Variants in ITGA9 observed in about 807,000 individuals in gnomAD.
ITGA9 encodes integrin alpha-9.
Under a neutral mutation model 127.8 loss-of-function variants are expected in ITGA9, and 56 were observed. The ratio of observed to expected loss-of-function variants is 0.44; its 90% CI spans 0.35 to 0.55. The LOEUF (loss-of-function observed/expected upper bound fraction) is 0.55. Among genes scored for constraint, ITGA9 ranks in the 20% least tolerant of loss-of-function variants. The pLI is 0.00. For missense variants in ITGA9, 1,196 were observed against 1,347.1 expected (o/e 0.89, Z 1.76); for synonymous variants, 508 against 514.5 (o/e 0.99, Z 0.17).
chr3:37,600,631 G>C (rs537819707), intron 15 of ITGA9, among the ~76,000 whole-genome samples: 1 of 152,266 alleles, frequency 6.6e-6, no homozygotes, highest in East Asian at 1.9e-4. Flanking sequence ...ATCTCAAGAA[G>C]CCCTTACGGA....
At position 37,473,360 on chromosome 3, in the gene ITGA9, A is replaced by C. The variant is rs1401707512; in HGVS notation, c.320A>C (p.Asn107Thr). ...TCTTCTCCTCTTTCTCCAGGGAAGA[A>C]TCGGGGCACGTCCTGCGGAAAGACC... ...CTELDMARGK[N>T]RGTSCGKTCR... The change falls in exon 3 of 28, where the codon AAT becomes ACT. Residue 107 changes from asparagine (N) to threonine (T), a missense_variant. By Grantham distance (65) the Asn-to-Thr change is moderately conservative. Transcript: ENST00000264741. 3.7e-6 allele frequency: 6 copies of C among 1,613,780 alleles called. No individual in the cohort carries two copies. The Admixed American group carries it at 1.0e-4, about 27-fold the overall frequency.
At chr3:37,656,311 C>T (rs1271513453) in intron 17 of ITGA9, among the ~76,000 whole-genome samples, 1 of 152,138 alleles carries the variant, frequency 6.6e-6, no homozygotes, top group African/African-American at 2.4e-5. Context: ...GATATTGATT[C>T]TTTGTTTCCA....
intron 13 of ITGA9, among the ~76,000 whole-genome samples, chr3:37,526,829 G>T (rs1005517005): frequency 6.6e-6 from 1 of 152,232 alleles, no homozygotes; most frequent in African/African-American, 2.4e-5. Context: ...AGGCCATGTA[G>T]TTCCACACCC....
chr3:37,507,748 C>A (rs1007130624), intron 7 of ITGA9, among the ~76,000 whole-genome samples: 1 of 152,228 alleles, frequency 6.6e-6, no homozygotes, highest in South Asian at 2.1e-4. Context: ...CCCAAGGACC[C>A]CTGGCCTTCA....
chr3:37,726,588 G>C (rs1696206302), intron 18 of ITGA9, among the ~76,000 whole-genome samples: 1 of 152,214 alleles, frequency 6.6e-6, no homozygotes, highest in African/African-American at 2.4e-5. Context: ...CTGTAGCCTG[G>C]GTCTACTGGC....
intron 12 of ITGA9, 120 bp downstream of exon 12, chr3:37,523,731 A>C (rs1465240392): frequency 1.3e-6 from 1 of 779,468 alleles, no homozygotes. Context: ...TTCACACAAT[A>C]GAATAGGGTG....
intron 15 of ITGA9, among the ~76,000 whole-genome samples, chr3:37,545,213 C>A (rs1164783940): frequency 1.3e-5 from 2 of 152,140 alleles, no homozygotes; most frequent in Admixed American, 6.5e-5. Context: ...TGGCTCTCGG[C>A]TTTATGGACA....
intron 26 of ITGA9, among the ~76,000 whole-genome samples, chr3:37,789,550 G>A (rs1250760348): frequency 3.3e-5 from 5 of 150,748 alleles, no homozygotes; most frequent in Non-Finnish European, 7.4e-5. Context: ...ACAAAGTCAG[G>A]AGATCGAGAC....
At position 37,799,293 on chromosome 3, in the gene ITGA9, C is replaced by G. The variant is rs956993865; in HGVS notation, c.2890-4530C>G. On this transcript the variant is annotated intron_variant, in intron 26 of 27. Transcript: ENST00000264741. The surrounding 1 kb of genome is among the most constrained non-coding windows in gnomAD (Gnocchi z 4.0). ...TCCCGGGCTCAAGTGATTCTCCTGC[C>G]TCAGCCTCCCAAGTAGCTGGGACTA... 6.6e-6 allele frequency among the ~76,000 whole-genome samples: 1 copy of G among 152,174 alleles called. No individual in the cohort carries two copies. Among genetic ancestry groups the G allele is most frequent in the East Asian group, 1.9e-4 (1 of 5,198 alleles).
chr3:37,500,640 G>A (rs1474174554), intron 5 of ITGA9, among the ~76,000 whole-genome samples: 1 of 152,200 alleles, frequency 6.6e-6, no homozygotes, highest in Non-Finnish European at 1.5e-5. Context: ...TGAGAATTCA[G>A]TGGTGACTTT....
chr3:37,645,758 A>G (rs550859898), intron 16 of ITGA9, among the ~76,000 whole-genome samples: 2 of 152,352 alleles, frequency 1.3e-5, no homozygotes, highest in Admixed American at 1.3e-4. Flanking sequence ...ACCAAGTCCA[A>G]GAAACTGATC....
At chr3:37,750,398 A>G in intron 22 of ITGA9, 64 bp from the exon 23 acceptor site, 1 of 935,206 alleles carries the variant, frequency 1.1e-6, no homozygotes, top group Non-Finnish European at 1.8e-6. Flanking sequence ...TATATATTGC[A>G]TGACAGGAAA....
intron 12 of ITGA9, 37 bp from the exon 13 acceptor site, chr3:37,525,989 A>G (rs1451370303): frequency 2.5e-5 from 40 of 1,603,746 alleles, no homozygotes; most frequent in Non-Finnish European, 3.4e-5. Context: ...TATGGGCTTC[A>G]GCAAGTTTCT....
rs1163613739 is a variant in ITGA9, at chr3:37,562,284, A to T, written c.1689+19699A>T. Among the ~76,000 whole-genome samples the T allele has an allele frequency of 5.9e-5, 9 of 152,064 alleles. No individual in the cohort carries two copies. The East Asian group carries it at 1.7e-3, about 29-fold the overall frequency. ...CTCCTATTTCTGCCCCGGAGCACCT[A>T]CAGATATCTGTCTGTCTGTCCCCAT... On this transcript the variant is annotated intron_variant, in intron 15 of 27. Coordinates refer to ENST00000264741, the MANE Select transcript of ITGA9 (RefSeq NM_002207.3).
intron 16 of ITGA9, among the ~76,000 whole-genome samples, chr3:37,643,360 G>A (rs994342694): frequency 6.6e-6 from 1 of 152,228 alleles, no homozygotes; most frequent in Non-Finnish European, 1.5e-5. Flanking sequence ...GACCAGTGGA[G>A]AAGTCTGGCC....
chr3:37,589,645 A>G (rs1320660800), intron 15 of ITGA9, among the ~76,000 whole-genome samples: 7 of 152,172 alleles, frequency 4.6e-5, no homozygotes, highest in Admixed American at 3.9e-4. Context: ...GGAGAGAACC[A>G]TGTGGAGGGA....
chr3:37,648,883 TAACTA>T, intron 16 of ITGA9, among the ~76,000 whole-genome samples: 1 of 151,806 alleles, frequency 6.6e-6, no homozygotes, highest in South Asian at 2.1e-4. Flanking sequence ...TTATAAGTAT[TAACTA>T]AATTATGTTA....
intron 15 of ITGA9, among the ~76,000 whole-genome samples, chr3:37,581,092 C>T (rs13321421): frequency 0.023 from 3,477 of 152,252 alleles, 110 homozygotes; most frequent in African/African-American, 0.077. Flanking sequence ...ATTTTATTTA[C>T]AGTGCTCTGG....
At chr3:37,474,645 A>G (rs267526) in intron 3 of ITGA9, among the ~76,000 whole-genome samples, 102,431 of 152,050 alleles carry the variant, frequency 0.67, 35,042 homozygotes, top group East Asian at 0.84. Flanking sequence ...GTGAACAACT[A>G]TTCTGACATA....
Sources: gnomAD v4.1 joint callset for allele counts (sites outside exome capture counted in the v4.1 genomes callset) on GRCh38, gnomAD v4.1.1 for gene constraint, Gnocchi (gnomAD v3.1) non-coding constraint, MANE v1.5 for transcripts, NCBI Gene and HGNC (gene_info 2026-07-23, HGNC 2026-07-21) for gene names.